The following PDK1 variants were observed in gnomAD, a reference collection of about 807,000 sequenced individuals.
PDK1 encodes the protein pyruvate dehydrogenase kinase 1, also known as [Pyruvate dehydrogenase (acetyl-transferring)] kinase isozyme 1, mitochondrial.
A neutral mutation model predicts 54.2 loss-of-function variants in PDK1; 39 were observed. That is an observed-to-expected ratio of 0.72 (90% CI 0.56 to 0.94). PDK1 has a LOEUF of 0.94. PDK1 is among the 40% of genes least tolerant of loss of function. PDK1 has a pLI of 0.00. For synonymous variants in PDK1, 221 were observed against 207.1 expected (o/e 1.07, Z -0.58); for missense variants, 552 against 566.0 (o/e 0.98, Z 0.25).
upstream of PDK1, chr2:172,556,002 A>AG (rs1323250062): frequency 1.4e-4 from 71 of 490,652 alleles, 1 homozygote; most frequent in East Asian, 2.3e-3. Flanking sequence ...CCAGCGGCGC[A>AG]GGGGGCCGGG....
At chr2:172,579,417 T>C (rs1191461102) in intron 8 of PDK1, among the ~76,000 whole-genome samples, 1 of 152,154 alleles carries the variant, frequency 6.6e-6, no homozygotes, top group African/African-American at 2.4e-5. Context: ...GATTCAGTTG[T>C]TTTACTTGAA....
At chr2:172,683,163 A>G in the PDK1 span, among the ~76,000 whole-genome samples, 56 of 151,916 alleles carry the variant, frequency 3.7e-4, no homozygotes, top group Non-Finnish European at 7.2e-4. Context: ...TGGCGAACAC[A>G]GTGAAACCCT....
At chr2:172,621,565 T>C in the PDK1 span, among the ~76,000 whole-genome samples, 5 of 147,158 alleles carry the variant, frequency 3.4e-5, no homozygotes, top group Admixed American at 6.8e-5. Flanking sequence ...TGTTTATATA[T>C]TTATATTATA....
chr2:172,637,910 C>T, the PDK1 span, among the ~76,000 whole-genome samples: 1 of 152,086 alleles, frequency 6.6e-6, no homozygotes, highest in Non-Finnish European at 1.5e-5. Context: ...GTTGGCCAAG[C>T]TGGTCTCAAA....
intron 3 of PDK1, chr2:172,562,731 T>C: frequency 6.8e-7 from 1 of 1,467,858 alleles, no homozygotes; most frequent in Non-Finnish European, 9.5e-7. Context: ...AAACATTTTT[T>C]AAAACACAGA....
chr2:172,628,236 A>G, the PDK1 span, among the ~76,000 whole-genome samples: 1 of 152,224 alleles, frequency 6.6e-6, no homozygotes, highest in Non-Finnish European at 1.5e-5. Flanking sequence ...GGGAAGGTCA[A>G]GGTTTAAGCG....
In PDK1 at chr2:172,591,981, T is replaced by C. The variant is rs542447853; in HGVS notation, c.1057-954T>C. ...TCCTTATTACTTACTGAGTACCCAT[T>C]GTGTCTTTTTCCCTTAATCGCCTGG... On this transcript the variant is annotated intron_variant, in intron 9 of 10. Coordinates refer to ENST00000282077, the MANE Select transcript of PDK1 (RefSeq NM_002610.5). 3.9e-5 allele frequency among the ~76,000 whole-genome samples: 6 copies of C among 152,336 alleles called. No individual in the cohort carries two copies. The East Asian group carries it at 1.2e-3, about 29-fold the overall frequency.
Position 172,564,569 on chromosome 2 carries a change from T to A in PDK1, c.477T>A (p.Gly159=). ...ATGTCATTCCCACAATGGCCCAGGG[T>A]GTGATTGAATACAAGGAGAGCTTTG... ...HNDVIPTMAQ[G]VIEYKESFGV... Residue 159 remains glycine (G), a synonymous_variant, in exon 4 of 11, where the codon GGT becomes GGA. Coordinates refer to ENST00000282077, the MANE Select transcript of PDK1 (RefSeq NM_002610.5). 6.2e-7 allele frequency: 1 copy of A among 1,613,894 alleles called. No homozygotes were observed. The highest frequency in any genetic ancestry group is 8.5e-7 in the Non-Finnish European group (1 of 1,179,842).
chr2:172,706,394 C>T, the PDK1 span, among the ~76,000 whole-genome samples: 3 of 150,370 alleles, frequency 2.0e-5, no homozygotes, highest in African/African-American at 7.3e-5. Context: ...CTCTGTCATC[C>T]TGATCTTGGT....
the PDK1 span, among the ~76,000 whole-genome samples, chr2:172,618,733 C>T: frequency 6.6e-6 from 1 of 152,270 alleles, no homozygotes; most frequent in Non-Finnish European, 1.5e-5. Flanking sequence ...GAAAATACAG[C>T]TGGAAGGAGT....
the PDK1 span, among the ~76,000 whole-genome samples, chr2:172,703,468 A>C: frequency 1.3e-5 from 2 of 152,196 alleles, no homozygotes; most frequent in East Asian, 1.9e-4. Context: ...TAAATACCAT[A>C]AGACACCTGA....
downstream of PDK1, among the ~76,000 whole-genome samples, chr2:172,610,022 A>G (rs976844573): frequency 6.6e-6 from 1 of 151,974 alleles, no homozygotes; most frequent in African/African-American, 2.4e-5. Flanking sequence ...GGGTTTCACC[A>G]TGTTGGTCTG....
the PDK1 span, chr2:172,723,309 A>C: frequency 6.6e-6 from 1 of 152,198 alleles, no homozygotes; most frequent in Non-Finnish European, 1.5e-5. Flanking sequence ...TCAGATACAC[A>C]CACCTAAGTC....
chr2:172,587,618 C>T (rs1690321927), intron 9 of PDK1, among the ~76,000 whole-genome samples: 1 of 151,934 alleles, frequency 6.6e-6, no homozygotes, highest in African/African-American at 2.4e-5. Context: ...AAGAACAAAG[C>T]TTCTACAGCC....
the PDK1 span, among the ~76,000 whole-genome samples, chr2:172,675,336 A>G: frequency 0.051 from 7,700 of 152,330 alleles, 387 homozygotes; most frequent in African/African-American, 0.13. Context: ...GTTGGAAGCC[A>G]AGATTGGCCA....
the PDK1 span, among the ~76,000 whole-genome samples, chr2:172,622,882 A>G: frequency 1.4e-5 from 2 of 148,070 alleles, no homozygotes; most frequent in Non-Finnish European, 3.0e-5. Flanking sequence ...ATATATGTTT[A>G]CATATTATAT....
chr2:172,595,709 A>T, intron 10 of PDK1, 120 bp from the exon 11 acceptor site: 1 of 720,974 alleles, frequency 1.4e-6, no homozygotes, highest in Non-Finnish European at 2.3e-6. Context: ...TATAAGGATT[A>T]ATAAGATACT....
chr2:172,669,355 T>G, the PDK1 span, among the ~76,000 whole-genome samples: 1 of 152,226 alleles, frequency 6.6e-6, no homozygotes, highest in East Asian at 1.9e-4. Context: ...CCACATTTCC[T>G]GATTTTTAAA....
Position 172,560,314 on chromosome 2 carries a change from C to T in PDK1, c.338+1465C>T, listed in dbSNP as rs533481237. On this transcript the variant is annotated intron_variant, in intron 2 of 10. Transcript: ENST00000282077. Reference sequence around the variant, plus strand: ...CCGAGCAGCTGGGACCACAGCCATGCGCCACCATACCTGACCAATTCTTTT... The same window carrying T: ...CCGAGCAGCTGGGACCACAGCCATGTGCCACCATACCTGACCAATTCTTTT... Among the ~76,000 whole-genome samples the T allele has an allele frequency of 8.1e-4, 123 of 152,284 alleles. No individual in the cohort carries two copies. In the Middle Eastern group the frequency reaches 0.01, roughly 13 times the overall value.
Sources: allele counts gnomAD v4.1 joint callset (sites outside exome capture counted in the v4.1 genomes callset), GRCh38; gene constraint gnomAD v4.1.1; transcripts MANE v1.5; gene names NCBI Gene and HGNC (gene_info 2026-07-23, HGNC 2026-07-21).